SF3B1: variants seen among roughly 807,000 people sequenced by gnomAD.
SF3B1 encodes the protein splicing factor 3b subunit 1.
In SF3B1, 12 loss-of-function variants were observed where a neutral mutation model predicts 153.8. The ratio of observed to expected loss-of-function variants is 0.08; its 90% CI spans 0.05 to 0.13. The LOEUF (loss-of-function observed/expected upper bound fraction) is 0.13. SF3B1 is among the 10% of genes least tolerant of loss of function. The probability of loss-of-function intolerance (pLI) is 1.00; values close to 1 mark genes in which losing one functional copy is unlikely to be tolerated. For synonymous variants in SF3B1, 498 were observed against 525.2 expected (o/e 0.95, Z 0.71); for missense variants, 513 against 1,606.1 (o/e 0.32, Z 11.63).
intron 20 of SF3B1, among the ~76,000 whole-genome samples, chr2:197,399,706 T>C (rs1246675691): frequency 6.6e-6 from 1 of 152,168 alleles, no homozygotes; most frequent in African/African-American, 2.4e-5. Flanking sequence ...ATTAAAACTT[T>C]AGGATTGCCT....
At chr2:197,409,067 G>A (rs1331738419) in intron 7 of SF3B1, among the ~76,000 whole-genome samples, 1 of 152,138 alleles carries the variant, frequency 6.6e-6, no homozygotes, top group Non-Finnish European at 1.5e-5. Flanking sequence ...ACACCAGGCT[G>A]GGCAATGAAG....
chr2:197,417,486 C>T (rs569171546), intron 5 of SF3B1, among the ~76,000 whole-genome samples: 8 of 150,580 alleles, frequency 5.3e-5, no homozygotes, highest in Non-Finnish European at 1.0e-4. Context: ...ACCTGTAATC[C>T]CAGCACTTTG....
intron 4 of SF3B1, chr2:197,420,013 A>T (rs921711856): frequency 4.7e-5 from 11 of 233,230 alleles, no homozygotes; most frequent in Middle Eastern, 1.3e-3. Flanking sequence ...TATTTAGAGC[A>T]CTATGGGGGG....
rs764998626 is a variant in SF3B1, at chr2:197,400,797, A to G, written c.2636T>C (p.Leu879Ser). 1 of 1,613,290 alleles carries G rather than the reference A, an allele frequency of 6.2e-7. No individual in the cohort carries two copies. Among genetic ancestry groups the G allele is most frequent in the Non-Finnish European group, 8.5e-7 (1 of 1,179,414 alleles). The change falls in exon 18 of 25, where the codon TTG (leucine) becomes TCG (serine). Residue 879 changes from leucine (L) to serine (S), a missense_variant. Physicochemically the swap from Leu to Ser is moderately radical, Grantham distance 145 (BLOSUM62 -2). Coordinates refer to ENST00000335508, the MANE Select transcript of SF3B1 (RefSeq NM_012433.4). The surrounding 1 kb of genome is among the most constrained non-coding windows in gnomAD (Gnocchi z 5.0). The stretch of plus-strand genomic sequence containing the variant: ...TTTATGATCAATATCTGCTGCTCCC[A>G]AATTACCCATAATTTTCTCAATTGT... ...METIEKIMGN[L>S]GAADIDHKLE... is the part of the protein sequence containing the mutation.
chr2:197,405,856 C>T (rs1048117214), intron 9 of SF3B1, among the ~76,000 whole-genome samples: 6 of 152,006 alleles, frequency 3.9e-5, no homozygotes, highest in African/African-American at 1.4e-4. Context: ...GAAATAAGCT[C>T]ATATGGGGCA....
intron 2 of SF3B1, among the ~76,000 whole-genome samples, chr2:197,423,336 G>A (rs1338395579): frequency 3.4e-5 from 5 of 147,884 alleles, no homozygotes; most frequent in Non-Finnish European, 7.4e-5. Flanking sequence ...GCAGTCCACT[G>A]CACTCAAGCC....
chr2:197,402,776 G>A lies in SF3B1; in HGVS notation c.1857C>T (p.Asn619=), dbSNP rs1274085720. ...TTGTGTTACGGACATACTCATCCAT[G>A]TTATCTATATCAGGTCTCATGGTAG... is the stretch of plus-strand genomic sequence containing the variant. ...MISTMRPDID[N]MDEYVRNTTA... Residue 619 remains asparagine (N), a synonymous_variant, in exon 14 of 25, where the codon AAC becomes AAT. Coordinates refer to ENST00000335508, the MANE Select transcript of SF3B1 (RefSeq NM_012433.4). This position sits in a 1 kb window ranked among gnomAD's most constrained non-coding sequence, Gnocchi z 4.6. The A allele has an allele frequency of 3.7e-5, 60 of 1,614,074 alleles. No individual in the cohort carries two copies. The highest frequency in any genetic ancestry group is 5.0e-5 in the Non-Finnish European group (59 of 1,179,984).
In SF3B1 at chr2:197,435,006, C is replaced by T. The variant is rs753522874; in HGVS notation, c.-7G>A. ...TCTTGGCGATCTTCGCCATTTTGTC[C>T]ACTCGAACACACAGACGGAACTGGC... On this transcript the variant is annotated 5_prime_UTR_variant, in exon 1 of 25. Coordinates refer to ENST00000335508, the MANE Select transcript of SF3B1 (RefSeq NM_012433.4). The T allele has an allele frequency of 6.2e-7, 1 of 1,614,266 alleles. No individual in the cohort carries two copies. The highest frequency in any genetic ancestry group is 8.5e-7 in the Non-Finnish European group (1 of 1,180,038).
chr2:197,398,660 A>T (rs1673610005), intron 20 of SF3B1, 79 bp from the exon 21 acceptor site: 3 of 1,288,574 alleles, frequency 2.3e-6, no homozygotes, highest in Non-Finnish European at 3.3e-6. Context: ...GCAATGTCAT[A>T]TATGACTATG....
At chr2:197,411,744 T>C (rs1047198026) in intron 6 of SF3B1, among the ~76,000 whole-genome samples, 1 of 152,048 alleles carries the variant, frequency 6.6e-6, no homozygotes, top group Non-Finnish European at 1.5e-5. Flanking sequence ...ACCTTTATGT[T>C]TGCAAATTTG....
intron 6 of SF3B1, among the ~76,000 whole-genome samples, chr2:197,411,013 C>T (rs1204576312): frequency 6.6e-6 from 1 of 152,216 alleles, no homozygotes. Context: ...TCACGGCTCA[C>T]TGCAGTCTCC....
chr2:197,422,421 G>C (rs537875348), intron 2 of SF3B1, among the ~76,000 whole-genome samples: 11 of 151,980 alleles, frequency 7.2e-5, no homozygotes, highest in Non-Finnish European at 1.3e-4. Context: ...TGGGGGTAGG[G>C]GGGAGGGATA....
At position 197,405,066 on chromosome 2, in the gene SF3B1, TG is replaced by T; in HGVS notation, c.1539+9del. 6.5e-7 allele frequency: 1 copy of T among 1,530,306 alleles called. No individual in the cohort carries two copies. The highest frequency in any genetic ancestry group is 8.9e-7 in the Non-Finnish European group (1 of 1,120,666). The allele number at this position is 1,530,306 out of a possible 1,614,324, so 94.8% of individuals were successfully genotyped here. On this transcript the variant is annotated intron_variant, in intron 11 of 24. Transcript: ENST00000335508. ...CAACAAACATGACAATTTAACAAAC[TG>T]GGACTTACCTTTCTCATTGGTGGTG...
intron 2 of SF3B1, among the ~76,000 whole-genome samples, chr2:197,422,601 T>TA (rs1559276799): frequency 6.7e-6 from 1 of 150,164 alleles, no homozygotes; most frequent in Non-Finnish European, 1.5e-5. Context: ...TAAAAAAAAA[T>TA]AAAAAATAAC....
In SF3B1 at chr2:197,409,945, C is replaced by T. The variant is rs1294932904; in HGVS notation, c.729G>A (p.Glu243=). 7 of 1,614,046 alleles carry T rather than the reference C, an allele frequency of 4.3e-6. No individual in the cohort carries two copies. Among genetic ancestry groups the T allele is most frequent in the Non-Finnish European group, 5.9e-6 (7 of 1,180,048 alleles). Residue 243 remains glutamate (E), a synonymous_variant, in exon 7 of 25, where the codon GAG becomes GAA. Transcript: ENST00000335508. ...TTGAGCCTGGGGTTGCTCCAGGAGT[C>T]TCGCTTCCCTTTGCACGACCTGGTG... ...DETPGRAKGS[E]TPGATPGSKI...
At chr2:197,405,494 T>C in intron 9 of SF3B1, 22 bp from the exon 10 acceptor site, 1 of 1,544,592 alleles carries the variant, frequency 6.5e-7, no homozygotes. Context: ...TATAAGACAG[T>C]TTAGGATTTT....
upstream of SF3B1, chr2:197,435,061 G>T: frequency 5.0e-6 from 8 of 1,612,944 alleles, no homozygotes; most frequent in Non-Finnish European, 5.9e-6. Flanking sequence ...CGTCGCCGCC[G>T]CCACGGAGAA....
intron 22 of SF3B1, among the ~76,000 whole-genome samples, chr2:197,397,465 G>A (rs1041956652): frequency 2.6e-5 from 4 of 152,178 alleles, no homozygotes; most frequent in Admixed American, 2.6e-4. Context: ...TGTAATTAAA[G>A]TAAGTCTTAA....
intron 6 of SF3B1, 133 bp downstream of exon 6, chr2:197,416,608 C>T (rs1038147029): frequency 1.7e-5 from 13 of 746,108 alleles, no homozygotes; most frequent in African/African-American, 1.6e-4. Flanking sequence ...TCCAGAACTG[C>T]GAAAAAAATC....
Sources: allele counts gnomAD v4.1 joint callset (sites outside exome capture counted in the v4.1 genomes callset), GRCh38; gene constraint gnomAD v4.1.1; non-coding constraint Gnocchi (gnomAD v3.1); transcripts MANE v1.5; gene names NCBI Gene and HGNC (gene_info 2026-07-23, HGNC 2026-07-21).